Variants in PPARGC1A observed in about 807,000 individuals in gnomAD.
PPARGC1A encodes peroxisome proliferator-activated receptor gamma coactivator 1-alpha.
Under a neutral mutation model 88.7 loss-of-function variants are expected in PPARGC1A, and 25 were observed. The ratio of observed to expected loss-of-function variants is 0.28; its 90% CI spans 0.21 to 0.39. PPARGC1A has a LOEUF of 0.39. PPARGC1A is among the 10% of genes least tolerant of loss of function. The probability of loss-of-function intolerance (pLI) is 1.00; values close to 1 mark genes in which losing one functional copy is unlikely to be tolerated. For synonymous variants in PPARGC1A, 363 were observed against 355.6 expected (o/e 1.02, Z -0.24); for missense variants, 880 against 968.7 (o/e 0.91, Z 1.22).
the PPARGC1A span, among the ~76,000 whole-genome samples, chr4:24,268,828 A>C: frequency 6.6e-6 from 1 of 152,240 alleles, no homozygotes; most frequent in Non-Finnish European, 1.5e-5. Context: ...AATGCAAACT[A>C]ATATTTATAC....
At chr4:24,179,326 TTTATC>T in the PPARGC1A span, among the ~76,000 whole-genome samples, 1 of 152,168 alleles carries the variant, frequency 6.6e-6, no homozygotes, top group Non-Finnish European at 1.5e-5. Context: ...GCAAGTCCCC[TTTATC>T]ACGTAACTGT....
At chr4:23,798,559 A>C (rs1718055695) in intron 12 of PPARGC1A, among the ~76,000 whole-genome samples, 1 of 152,198 alleles carries the variant, frequency 6.6e-6, no homozygotes, top group African/African-American at 2.4e-5. Flanking sequence ...CATTTCAGTT[A>C]ATGAATAATT....
At chr4:23,904,991 C>T (rs1719870339), upstream of PPARGC1A, among the ~76,000 whole-genome samples, 1 of 152,098 alleles carries the variant, frequency 6.6e-6, no homozygotes, top group Non-Finnish European at 1.5e-5. Flanking sequence ...AGTGCTGTAC[C>T]ACATGCCCAA....
chr4:24,073,626 G>C, the PPARGC1A span, among the ~76,000 whole-genome samples: 1 of 152,138 alleles, frequency 6.6e-6, no homozygotes, highest in Admixed American at 6.5e-5. Flanking sequence ...CAATGATTAT[G>C]ATGATGTGAT....
the PPARGC1A span, among the ~76,000 whole-genome samples, chr4:24,304,954 G>A: frequency 2.2e-4 from 34 of 151,892 alleles, no homozygotes; most frequent in African/African-American, 5.8e-4. Flanking sequence ...GGCAAACCCC[G>A]CGCCAGGTAT....
intron 2 of PPARGC1A, among the ~76,000 whole-genome samples, chr4:23,834,488 CAA>C (rs11355768): frequency 2.0e-4 from 29 of 144,274 alleles, no homozygotes; most frequent in South Asian, 4.5e-4. Context: ...GACTCTGTCT[CAA>C]AAAAAAAAAA....
chr4:24,055,199 T>A, the PPARGC1A span, among the ~76,000 whole-genome samples: 1 of 152,350 alleles, frequency 6.6e-6, no homozygotes, highest in East Asian at 1.9e-4. Flanking sequence ...CGTATCTGTG[T>A]GATTCCAGAA....
intron 2 of PPARGC1A, chr4:23,866,175 C>T (rs540002671): frequency 6.6e-6 from 1 of 152,282 alleles, no homozygotes; most frequent in South Asian, 2.1e-4. Context: ...TTAAATTACA[C>T]ACTGCAAAGT....
the PPARGC1A span, among the ~76,000 whole-genome samples, chr4:24,437,605 T>C: frequency 2.3e-4 from 33 of 142,232 alleles, no homozygotes; most frequent in African/African-American, 9.8e-4. Context: ...TTGTTGTTGT[T>C]GTTGTTGTTG....
the PPARGC1A span, among the ~76,000 whole-genome samples, chr4:24,200,655 C>CAAAAAAAAAAAA: frequency 0.039 from 3,401 of 88,108 alleles, 690 homozygotes; most frequent in Non-Finnish European, 0.047. Flanking sequence ...ATTTATTAAG[C>CAAAAAAAAAAAA]AAAAAAAAAA....
intron 7 of PPARGC1A, 113 bp downstream of exon 7, chr4:23,824,167 G>T: frequency 1.1e-5 from 9 of 809,956 alleles, no homozygotes; most frequent in South Asian, 4.0e-5. Context: ...ATCCAATTTT[G>T]TATTCTTTGT....
chr4:24,288,346 G>A, the PPARGC1A span, among the ~76,000 whole-genome samples: 1 of 152,068 alleles, frequency 6.6e-6, no homozygotes, highest in African/African-American at 2.4e-5. Flanking sequence ...GGTGATTTTT[G>A]TTCAAAAACT....
intron 2 of PPARGC1A, among the ~76,000 whole-genome samples, chr4:23,864,901 T>G (rs541501237): frequency 3.4e-4 from 51 of 152,226 alleles, no homozygotes; most frequent in African/African-American, 1.1e-3. Context: ...GAGGCACCAC[T>G]GGCCAGGCAC....
chr4:24,200,924 C>A, the PPARGC1A span, among the ~76,000 whole-genome samples: 2 of 152,130 alleles, frequency 1.3e-5, no homozygotes. Flanking sequence ...ATACATCAGA[C>A]ACTATTCACT....
At chr4:24,131,698 T>C in the PPARGC1A span, among the ~76,000 whole-genome samples, 3 of 152,158 alleles carry the variant, frequency 2.0e-5, no homozygotes, top group Admixed American at 1.3e-4. Flanking sequence ...GTTTAAAATA[T>C]AAACAAAAAT....
chr4:24,286,814 G>A, the PPARGC1A span, among the ~76,000 whole-genome samples: 1 of 152,052 alleles, frequency 6.6e-6, no homozygotes, highest in African/African-American at 2.4e-5. Context: ...TCGGGCTCAG[G>A]GTCTCCCACA....
rs748372751 is a variant in PPARGC1A, at chr4:23,828,406, A to C, written c.751T>G (p.Leu251Val). 1.2e-6 allele frequency: 2 copies of C among 1,612,834 alleles called. No individual in the cohort carries two copies. The highest frequency in any genetic ancestry group is 1.7e-6 in the Non-Finnish European group (2 of 1,179,098). ...GTTTTGGTCCCCAGCCTACCTTGTA[A>C]GTGTTGTGACTGCGACTGTGTGTGG... is the stretch of plus-strand genomic sequence containing the variant. ...KSHTQSQSQHLQAKPTTLSLP... is the reference protein window; with the variant it reads ...KSHTQSQSQHVQAKPTTLSLP... The change falls in exon 5 of 13, where the codon TTA becomes GTA. Residue 251 changes from leucine to valine, a missense_variant. Coordinates refer to ENST00000264867, the MANE Select transcript of PPARGC1A (RefSeq NM_013261.5).
the PPARGC1A span, among the ~76,000 whole-genome samples, chr4:24,178,871 G>A: frequency 6.6e-6 from 1 of 152,344 alleles, no homozygotes; most frequent in Non-Finnish European, 1.5e-5. Context: ...CAAAGCAGTT[G>A]TAGATTTTTG....
At chr4:24,017,773 T>C in the PPARGC1A span, among the ~76,000 whole-genome samples, 4 of 152,198 alleles carry the variant, frequency 2.6e-5, no homozygotes, top group Non-Finnish European at 5.9e-5. Context: ...GAAAAAAAAC[T>C]TATTATTCCT....
Sources: allele counts gnomAD v4.1 joint callset (sites outside exome capture counted in the v4.1 genomes callset), GRCh38; gene constraint gnomAD v4.1.1; transcripts MANE v1.5; gene names NCBI Gene and HGNC (gene_info 2026-07-23, HGNC 2026-07-21).